VEPH1: variants seen among roughly 807,000 people sequenced by gnomAD.
VEPH1 encodes ventricular zone expressed PH domain containing 1, also known as ventricular zone-expressed PH domain-containing protein homolog 1.
In VEPH1, 80 loss-of-function variants were observed where a neutral mutation model predicts 85.2. That is an observed-to-expected ratio of 0.94 (90% CI 0.78 to 1.13). VEPH1 has a LOEUF of 1.13. VEPH1 is among the 50% of genes most tolerant of loss of function. The probability of loss-of-function intolerance (pLI) is 0.00; values close to 1 mark genes in which losing one functional copy is unlikely to be tolerated. For synonymous variants in VEPH1, 297 were observed against 348.0 expected (o/e 0.85, Z 1.63); for missense variants, 955 against 980.5 (o/e 0.97, Z 0.35).
chr3:157,365,304 G>A (rs948516519), intron 7 of VEPH1, among the ~76,000 whole-genome samples: 4 of 152,162 alleles, frequency 2.6e-5, no homozygotes, highest in African/African-American at 9.7e-5. Context: ...CTGGCCTACA[G>A]CTACTTTAAT....
chr3:157,316,960 T>C lies in VEPH1; in HGVS notation c.1875+102A>G, dbSNP rs999353644. 27 of 1,236,332 alleles carry C rather than the reference T, an allele frequency of 2.2e-5. No individual in the cohort carries two copies. The African/African-American group carries it at 4.0e-4, about 18-fold the overall frequency. 76.6% of individuals were successfully genotyped at this position (1,236,332 alleles called of 1,614,324 possible). Reference sequence around the variant, plus strand: ...ATGAAATATGTATGTATTGCTGTTATCTACATATCAACTCTGGCCAAAGAA... The same window carrying C: ...ATGAAATATGTATGTATTGCTGTTACCTACATATCAACTCTGGCCAAAGAA... On this transcript the variant is annotated intron_variant, in intron 10 of 13. Transcript: ENST00000362010.
intron 2 of VEPH1, among the ~76,000 whole-genome samples, chr3:157,475,810 C>G (rs1477832391): frequency 1.3e-5 from 2 of 152,204 alleles, no homozygotes; most frequent in African/African-American, 4.8e-5. Context: ...AGAGAACATT[C>G]TCCCAACGGT....
At chr3:157,361,887 A>G (rs1726083073) in intron 9 of VEPH1, among the ~76,000 whole-genome samples, 1 of 152,254 alleles carries the variant, frequency 6.6e-6, no homozygotes, top group South Asian at 2.1e-4. Context: ...ATAATGTATG[A>G]TGAACAAAAT....
At chr3:157,326,458 G>A (rs1395611337) in intron 9 of VEPH1, among the ~76,000 whole-genome samples, 1 of 152,118 alleles carries the variant, frequency 6.6e-6, no homozygotes, top group Non-Finnish European at 1.5e-5. Context: ...TAATAGCCTT[G>A]CAAGTGAGGC....
chr3:157,460,195 T>C lies in VEPH1; in HGVS notation c.515A>G (p.Lys172Arg), dbSNP rs755570266. 31 of 1,614,104 alleles carry C rather than the reference T, an allele frequency of 1.9e-5. No individual in the cohort carries two copies. The highest frequency in any genetic ancestry group is 1.1e-5 in the South Asian group (1 of 91,092). The change falls in exon 4 of 14, where the codon AAG (lysine) becomes AGG (arginine). Residue 172 changes from lysine (K) to arginine (R), a missense_variant. Coordinates refer to ENST00000362010, the MANE Select transcript of VEPH1 (RefSeq NM_001167912.2). Reference protein sequence around the residue: ...LLADHTEVIVKSILQGNTMLL... With the variant: ...LLADHTEVIVRSILQGNTMLL... The stretch of plus-strand genomic sequence containing the variant: ...TCGCACCATACCTTGGAGTATGCTC[T>C]TTACTATAACTTCCGTGTGATCAGC...
intron 6 of VEPH1, among the ~76,000 whole-genome samples, chr3:157,405,417 A>G (rs1317652531): frequency 6.6e-6 from 1 of 152,126 alleles, no homozygotes; most frequent in Non-Finnish European, 1.5e-5. Context: ...ACTTATCCGC[A>G]CTATGAAGGG....
At chr3:157,421,377 G>A (rs1182369464) in intron 5 of VEPH1, among the ~76,000 whole-genome samples, 2 of 152,124 alleles carry the variant, frequency 1.3e-5, no homozygotes, top group African/African-American at 4.8e-5. Context: ...CCTCCCTAGA[G>A]AGCTCACTCA....
At chr3:157,387,200 T>C (rs1055526521) in intron 6 of VEPH1, among the ~76,000 whole-genome samples, 1 of 152,106 alleles carries the variant, frequency 6.6e-6, no homozygotes, top group African/African-American at 2.4e-5. Flanking sequence ...TTTATTATTT[T>C]GTTTTTTTAA....
intron 9 of VEPH1, 28 bp from the exon 10 acceptor site, chr3:157,317,229 C>T (rs762200086): frequency 7.6e-6 from 12 of 1,574,458 alleles, no homozygotes; most frequent in East Asian, 4.6e-5. Context: ...TAGCGTTAAA[C>T]GTTATGGTCT....
chr3:157,501,962 A>G (rs915782212), intron 1 of VEPH1, among the ~76,000 whole-genome samples: 12 of 152,244 alleles, frequency 7.9e-5, no homozygotes, highest in Non-Finnish European at 1.6e-4. Context: ...AGAAAGGATT[A>G]CAGATTCTTT....
Position 157,261,085 on chromosome 3 carries a change from A to C in VEPH1, c.*49T>G, listed in dbSNP as rs762871420. ...GCTCTTTTTCTTGACATTGGCAATG[A>C]TAATACAATGCCTGTGGTGTATAAT... On this transcript the variant is annotated 3_prime_UTR_variant, in exon 14 of 14. Coordinates refer to ENST00000362010, the MANE Select transcript of VEPH1 (RefSeq NM_001167912.2). 1.9e-6 allele frequency: 3 copies of C among 1,600,500 alleles called. No individual in the cohort carries two copies. The highest frequency in any genetic ancestry group is 1.7e-5 in the Admixed American group (1 of 58,790).
intron 6 of VEPH1, among the ~76,000 whole-genome samples, chr3:157,408,646 C>A (rs894357787): frequency 2.0e-4 from 30 of 152,084 alleles, no homozygotes; most frequent in African/African-American, 6.3e-4. Flanking sequence ...AAGGTACAAC[C>A]AAATTACTAT....
chr3:157,350,008 T>C (rs1198319810), intron 9 of VEPH1, among the ~76,000 whole-genome samples: 2 of 151,638 alleles, frequency 1.3e-5, no homozygotes, highest in Admixed American at 6.6e-5. Flanking sequence ...TTCACATAAA[T>C]AGAAAAAAAA....
rs879058689 is a variant in VEPH1 at position 157,303,857 on chromosome 3, C to T, written c.2010+9764G>A. Among the ~76,000 whole-genome samples, 5 of 151,818 alleles carry T rather than the reference C, an allele frequency of 3.3e-5. No individual in the cohort carries two copies. In the East Asian group the frequency reaches 7.8e-4, roughly 24 times the overall value. ...CATAGCCTGAAAGCCTAGAATCCTCCGCCCCCACTGGGGTTCTGAAATTCC... is the reference window on the plus strand; with the variant it reads ...CATAGCCTGAAAGCCTAGAATCCTCTGCCCCCACTGGGGTTCTGAAATTCC... On this transcript the variant is annotated intron_variant, in intron 11 of 13. Coordinates refer to ENST00000362010, the MANE Select transcript of VEPH1 (RefSeq NM_001167912.2).
chr3:157,288,322 C>T (rs1717043404), intron 11 of VEPH1, among the ~76,000 whole-genome samples: 1 of 152,138 alleles, frequency 6.6e-6, no homozygotes, highest in African/African-American at 2.4e-5. Context: ...AGGAATAGTT[C>T]TTAGAATTTT....
At chr3:157,339,869 T>C (rs939916694) in intron 9 of VEPH1, among the ~76,000 whole-genome samples, 20 of 152,170 alleles carry the variant, frequency 1.3e-4, no homozygotes, top group African/African-American at 4.8e-4. Flanking sequence ...AGTGAAAGAG[T>C]CAAGTGTCCT....
intron 9 of VEPH1, among the ~76,000 whole-genome samples, chr3:157,320,826 CTTT>C (rs1362002094): frequency 6.6e-6 from 1 of 152,066 alleles, no homozygotes; most frequent in Non-Finnish European, 1.5e-5. Context: ...ATTTGGTCTT[CTTT>C]GAGTCAAAAT....
chr3:157,495,232 T>C lies in VEPH1; in HGVS notation c.118A>G (p.Lys40Glu), dbSNP rs1265382860. ...CTTACTGAAGATGAGCTAATTATCT[T>C]AATTTGCTCCAAAGCTTCTGTAAGG... ...DSLTEALEQI[K>E]IISSSSDYQT... The change falls in exon 2 of 14, where the codon AAG (lysine) becomes GAG (glutamate). Residue 40 changes from lysine (K) to glutamate (E), a missense_variant. By Grantham distance (56) the Lys-to-Glu change is moderately conservative. Transcript: ENST00000362010. The C allele has an allele frequency of 1.2e-6, 2 of 1,613,846 alleles. No homozygotes were observed. The highest frequency in any genetic ancestry group is 1.7e-6 in the Non-Finnish European group (2 of 1,179,908).
intron 10 of VEPH1, among the ~76,000 whole-genome samples, chr3:157,314,895 A>G (rs1331564264): frequency 1.3e-5 from 2 of 152,134 alleles, no homozygotes; most frequent in African/African-American, 4.8e-5. Flanking sequence ...TTGTGTTTGT[A>G]TATTTACTAA....
Sources: allele counts gnomAD v4.1 joint callset (sites outside exome capture counted in the v4.1 genomes callset), GRCh38; gene constraint gnomAD v4.1.1; transcripts MANE v1.5; gene names NCBI Gene and HGNC (gene_info 2026-07-23, HGNC 2026-07-21).